The following LRFN5 variants were observed in gnomAD, a reference collection of about 807,000 sequenced individuals.
The protein encoded by LRFN5 is leucine rich repeat and fibronectin type III domain containing 5, also known as leucine-rich repeat and fibronectin type-III domain-containing protein 5.
In LRFN5, 24 loss-of-function variants were observed where a neutral mutation model predicts 45.6. That is an observed-to-expected ratio of 0.53 (90% CI 0.38 to 0.74). LRFN5 has a LOEUF of 0.74. Among genes scored for constraint, LRFN5 ranks in the 30% least tolerant of loss-of-function variants. The probability of loss-of-function intolerance (pLI) is 0.00; values close to 1 mark genes in which losing one functional copy is unlikely to be tolerated. For missense variants in LRFN5, 776 were observed against 861.5 expected (o/e 0.90, Z 1.24); for synonymous variants, 340 against 313.8 (o/e 1.08, Z -0.88).
intron 1 of LRFN5, among the ~76,000 whole-genome samples, chr14:41,624,184 G>A (rs1405054758): frequency 6.6e-6 from 1 of 151,912 alleles, no homozygotes; most frequent in Non-Finnish European, 1.5e-5. Flanking sequence ...TATTTCACTA[G>A]ATAAACATAC....
intron 1 of LRFN5, among the ~76,000 whole-genome samples, chr14:41,634,123 TG>T (rs1462194934): frequency 1.3e-5 from 2 of 152,138 alleles, no homozygotes; most frequent in Non-Finnish European, 2.9e-5. Flanking sequence ...GTACAGTGAC[TG>T]TTATAAAATA....
Position 41,698,569 on chromosome 14 carries a change from T to C in LRFN5, c.-196-68285T>C, listed in dbSNP as rs142356518. 1.1e-4 allele frequency among the ~76,000 whole-genome samples: 16 copies of C among 152,172 alleles called. No individual in the cohort carries two copies. In the East Asian group the frequency reaches 3.1e-3, roughly 29 times the overall value. ...ATCTATATGTTTAAAGCTCCCTAGG[T>C]GGTTCTCTTGTGCAGCCAAGGTTGA... On this transcript the variant is annotated intron_variant, in intron 1 of 5. Coordinates refer to ENST00000298119, the MANE Select transcript of LRFN5 (RefSeq NM_152447.5).
intron 1 of LRFN5, among the ~76,000 whole-genome samples, chr14:41,664,703 AAT>A (rs1415093889): frequency 6.6e-6 from 1 of 151,948 alleles, no homozygotes; most frequent in African/African-American, 2.4e-5. Context: ...TCTCTAATCC[AAT>A]GACATAAACA....
At chr14:41,764,304 T>A (rs946947027) in intron 1 of LRFN5, among the ~76,000 whole-genome samples, 4 of 152,298 alleles carry the variant, frequency 2.6e-5, no homozygotes, top group Admixed American at 6.5e-5. Context: ...TGTCCTTGCA[T>A]TTTTGTAGCA....
chr14:41,893,334 A>G (rs1429960286), intron 4 of LRFN5: 2 of 961,664 alleles, frequency 2.1e-6, no homozygotes, highest in Non-Finnish European at 2.5e-6. Context: ...TAATTATATA[A>G]TAATTTGATG....
rs990090323 is a variant in LRFN5 at position 41,796,548 on chromosome 14, T to C, written c.-21+29519T>C. Among the ~76,000 whole-genome samples, 3 of 151,994 alleles carry C rather than the reference T, an allele frequency of 2.0e-5. No individual in the cohort carries two copies. The East Asian group carries it at 5.8e-4, about 29-fold the overall frequency. On this transcript the variant is annotated intron_variant, in intron 2 of 5. Transcript: ENST00000298119. ...TGTATACCTTAACAAATGAATACTT[T>C]GCTGTATTTTTTATAGTTTTATGTT...
intron 1 of LRFN5, among the ~76,000 whole-genome samples, chr14:41,686,385 C>T (rs1882122649): frequency 6.6e-6 from 1 of 151,986 alleles, no homozygotes; most frequent in Admixed American, 6.6e-5. Context: ...ATGGGGTTTT[C>T]TAAATATAAA....
At chr14:41,832,976 C>T (rs1888538731) in intron 2 of LRFN5, among the ~76,000 whole-genome samples, 1 of 152,106 alleles carries the variant, frequency 6.6e-6, no homozygotes, top group Non-Finnish European at 1.5e-5. Flanking sequence ...AACATGCGGC[C>T]TTTTCTGTTT....
At chr14:41,661,920 TA>T (rs767528974) in intron 1 of LRFN5, among the ~76,000 whole-genome samples, 1 of 152,100 alleles carries the variant, frequency 6.6e-6, no homozygotes, top group Admixed American at 6.6e-5. Flanking sequence ...TAGCACTGAT[TA>T]AAAGCATTCA....
At chr14:41,805,560 C>T (rs1433041146) in intron 2 of LRFN5, among the ~76,000 whole-genome samples, 1 of 147,444 alleles carries the variant, frequency 6.8e-6, no homozygotes, top group Non-Finnish European at 1.5e-5. Flanking sequence ...TCCACCCCCC[C>T]CACCCCACAG....
chr14:41,749,476 A>ATAGT (rs1304028092), intron 1 of LRFN5, among the ~76,000 whole-genome samples: 1 of 152,196 alleles, frequency 6.6e-6, no homozygotes, highest in African/African-American at 2.4e-5. Flanking sequence ...TTATACAGCT[A>ATAGT]TAGTATTCCA....
chr14:41,664,104 A>G (rs533624350), intron 1 of LRFN5, among the ~76,000 whole-genome samples: 1 of 152,016 alleles, frequency 6.6e-6, no homozygotes, highest in South Asian at 2.1e-4. Context: ...CATAACTACA[A>G]AATTAAACTC....
chr14:41,705,953 T>C (rs1171429190), intron 1 of LRFN5, among the ~76,000 whole-genome samples: 1 of 152,202 alleles, frequency 6.6e-6, no homozygotes, highest in Non-Finnish European at 1.5e-5. Flanking sequence ...TCCTGCCAAC[T>C]TGACTACTGT....
At chr14:41,873,036 T>C (rs1033122278) in intron 2 of LRFN5, among the ~76,000 whole-genome samples, 2 of 152,214 alleles carry the variant, frequency 1.3e-5, no homozygotes, top group African/African-American at 2.4e-5. Flanking sequence ...TGATGTAGCA[T>C]TGTTCACCCT....
At chr14:41,791,686 T>G (rs1389047482) in intron 2 of LRFN5, among the ~76,000 whole-genome samples, 1 of 152,112 alleles carries the variant, frequency 6.6e-6, no homozygotes, top group African/African-American at 2.4e-5. Context: ...TCAGCTTTTT[T>G]ACTGATAAAA....
Position 41,621,144 on chromosome 14 carries a change from T to A in LRFN5, c.-197+12582T>A, listed in dbSNP as rs193115892. Reference sequence around the variant, plus strand: ...TGAGGATACACGAAAAAGAAAAGAGTCCTAATTTTTGAAATATGAAAGAGC... The same window carrying A: ...TGAGGATACACGAAAAAGAAAAGAGACCTAATTTTTGAAATATGAAAGAGC... On this transcript the variant is annotated intron_variant, in intron 1 of 5. Coordinates refer to ENST00000298119, the MANE Select transcript of LRFN5 (RefSeq NM_152447.5). 4.9e-4 allele frequency among the ~76,000 whole-genome samples: 75 copies of A among 152,034 alleles called. 1 individual carries two copies. The East Asian group carries it at 7.4e-3, about 15-fold the overall frequency.
At chr14:41,844,261 C>G (rs1888973682) in intron 2 of LRFN5, among the ~76,000 whole-genome samples, 1 of 151,922 alleles carries the variant, frequency 6.6e-6, no homozygotes, top group Non-Finnish European at 1.5e-5. Flanking sequence ...CATGGTGAAA[C>G]CCCGTCTCTA....
chr14:41,887,747 A>G lies in LRFN5; in HGVS notation c.1122A>G (p.Ile374Met). 4 of 1,613,982 alleles carry G rather than the reference A, an allele frequency of 2.5e-6. No homozygotes were observed. The highest frequency in any genetic ancestry group is 2.5e-6 in the Non-Finnish European group (3 of 1,180,026). Residue 374 changes from isoleucine to methionine, a missense_variant, in exon 3 of 6, where the codon ATA (isoleucine) becomes ATG (methionine). This residue lies in a region of LRFN5 where 465 missense variants were observed against 456.4 expected (regional missense o/e 1.02). Coordinates refer to ENST00000298119, the MANE Select transcript of LRFN5 (RefSeq NM_152447.5). The surrounding 1 kb of genome is among the most constrained non-coding windows in gnomAD (Gnocchi z 4.8). The part of the protein sequence containing the change: ...GEATQIVDLH[I>M]IKLPHLLNST... ...CAACACAAATAGTGGATCTTCATAT[A>G]ATTAAGCTCCCTCACTTACTAAATA...
At chr14:41,766,364 G>T (rs1401860759) in intron 1 of LRFN5, among the ~76,000 whole-genome samples, 3 of 152,080 alleles carry the variant, frequency 2.0e-5, no homozygotes, top group African/African-American at 7.2e-5. Context: ...AGACATATAG[G>T]TTGCAATAGT....
Sources: gnomAD v4.1 joint callset for allele counts (sites outside exome capture counted in the v4.1 genomes callset) on GRCh38, gnomAD v4.1.1 for gene constraint, gnomAD v4.1.1 regional missense constraint, Gnocchi (gnomAD v3.1) non-coding constraint, MANE v1.5 for transcripts, NCBI Gene and HGNC (gene_info 2026-07-23, HGNC 2026-07-21) for gene names.